Variants in ANKRD26 observed in about 807,000 individuals in gnomAD.
The protein encoded by ANKRD26 is ankyrin repeat domain-containing protein 26.
In ANKRD26, 141 loss-of-function variants were observed where a neutral mutation model predicts 208.7. The ratio of observed to expected loss-of-function variants is 0.68; its 90% CI spans 0.59 to 0.78. The LOEUF (loss-of-function observed/expected upper bound fraction) is 0.78, where lower values mean the gene tolerates loss of function less well. ANKRD26 is among the 30% of genes least tolerant of loss of function. ANKRD26 has a pLI of 0.00. For synonymous variants in ANKRD26, 636 were observed against 660.4 expected (o/e 0.96, Z 0.57); for missense variants, 1,889 against 1,938.7 (o/e 0.97, Z 0.48).
In ANKRD26 at chr10:27,081,024, G is replaced by A. The variant is rs554361403; in HGVS notation, c.740+1779C>T. 1.0e-5 allele frequency: 9 copies of A among 891,216 alleles called. No individual in the cohort carries two copies. The African/African-American group carries it at 1.6e-4, about 16-fold the overall frequency. The allele number at this position is 891,216 out of a possible 1,614,324, so 55.2% of individuals were successfully genotyped here. A position where few individuals can be genotyped will look rare whatever the true frequency, so the allele number is the denominator to read the frequency against. ...CTCCAAAGTACTTGAGGGGCTCAAA[G>A]CCACCGATAAGTTGAGGCAGAAGTA... is the stretch of plus-strand genomic sequence containing the variant. On this transcript the variant is annotated intron_variant, in intron 6 of 33. Coordinates refer to ENST00000376087, the MANE Select transcript of ANKRD26 (RefSeq NM_014915.3).
At position 26,995,040 on chromosome 10, in the gene ANKRD26, C is replaced by A. The variant is rs1410934878; in HGVS notation, c.*29+1G>T. On this transcript the variant is annotated splice_donor_variant, in intron 5 of 5. Coordinates refer to the ANKRD26 transcript ENST00000445828. LOFTEE classifies it low-confidence loss of function (3UTR_SPLICE). Reference sequence around the variant, plus strand: ...CTCTTAAATCAGACCCATCTGCATACCAGTCTATCTCAGCATTATCCAGTG... The same window carrying A: ...CTCTTAAATCAGACCCATCTGCATAACAGTCTATCTCAGCATTATCCAGTG... 2.1e-6 allele frequency: 1 copy of A among 470,974 alleles called. No homozygotes were observed. Among genetic ancestry groups the A allele is most frequent in the Non-Finnish European group, 4.4e-6 (1 of 227,018 alleles). The allele number at this position is 470,974 out of a possible 1,614,324, so 29.2% of individuals were successfully genotyped here. A position where few individuals can be genotyped will look rare whatever the true frequency, so the allele number is the denominator to read the frequency against.
Position 26,984,696 on chromosome 10 carries a change from G to A in ANKRD26, c.490-1883C>T, listed in dbSNP as rs562983764. Among the ~76,000 whole-genome samples the A allele has an allele frequency of 5.3e-5, 8 of 152,242 alleles. No homozygotes were observed. The South Asian group carries it at 6.2e-4, about 12-fold the overall frequency. On this transcript the variant is annotated intron_variant and NMD_transcript_variant, in intron 3 of 5. Transcript: ENST00000674670. ...TATCTCCCTGGAGAAAAGTTGGGTC[G>A]GTTATTTGGGTTCCTGACACATGGG...
At chr10:27,086,739 T>A in intron 4 of ANKRD26, 130 bp from the exon 5 acceptor site, 8 of 757,832 alleles carry the variant, frequency 1.1e-5, no homozygotes, top group Non-Finnish European at 1.3e-5. Flanking sequence ...CCCATACACT[T>A]CAAATATGTA....
At chr10:27,048,683 G>C in intron 17 of ANKRD26, 118 bp downstream of exon 17, 1 of 1,001,332 alleles carries the variant, frequency 1.0e-6, no homozygotes, top group Non-Finnish European at 1.5e-6. Flanking sequence ...TGCAAGGCAA[G>C]GTTGCATATC....
intron 3 of ANKRD26, among the ~76,000 whole-genome samples, chr10:26,985,231 T>C (rs952046808): frequency 6.6e-6 from 1 of 152,156 alleles, no homozygotes; most frequent in Non-Finnish European, 1.5e-5. Flanking sequence ...TTTCCTGGGT[T>C]ATCTTTGGGA....
the ANKRD26 span, among the ~76,000 whole-genome samples, chr10:26,957,467 T>C: frequency 6.6e-6 from 1 of 152,318 alleles, no homozygotes; most frequent in East Asian, 1.9e-4. Flanking sequence ...AACAAAGTTG[T>C]ACAACTACTA....
chr10:27,099,859 C>G (rs1006606385), intron 1 of ANKRD26, among the ~76,000 whole-genome samples: 5 of 15,342 alleles, frequency 3.3e-4, no homozygotes, highest in Non-Finnish European at 5.9e-4. Flanking sequence ...CACTTAAGTG[C>G]TCTCTAAGGG....
At chr10:27,018,141 A>ATTTTTT (rs11346457) in intron 29 of ANKRD26, among the ~76,000 whole-genome samples, 7,045 of 130,936 alleles carry the variant, frequency 0.054, 253 homozygotes, top group African/African-American at 0.11. Flanking sequence ...ATGCCCTATA[A>ATTTTTT]TTTTTTTTTT....
intron 3 of ANKRD26, among the ~76,000 whole-genome samples, chr10:26,983,929 A>T (rs958983173): frequency 6.6e-6 from 1 of 152,170 alleles, no homozygotes; most frequent in Non-Finnish European, 1.5e-5. Flanking sequence ...ACCCATCATG[A>T]CAGGCTGGAG....
At position 27,046,480 on chromosome 10, in the gene ANKRD26, T is replaced by C. The variant is rs112661579; in HGVS notation, c.1858A>G (p.Lys620Glu). 18 of 1,614,104 alleles carry C rather than the reference T, an allele frequency of 1.1e-5. No homozygotes were observed. The African/African-American group carries it at 1.3e-4, about 12-fold the overall frequency. ...GATTCTTTCGAGGTCCGTTTTTCTT[T>C]TTCAGTGCTCTTTACTTCCTTCATT... The part of the protein sequence containing the change: ...LQMKEVKSTE[K>E]EKRTSKESVN... Residue 620 changes from lysine (K) to glutamate (E), a missense_variant, in exon 18 of 34, where the codon AAA (lysine) becomes GAA (glutamate). Transcript: ENST00000376087.
the ANKRD26 span, among the ~76,000 whole-genome samples, chr10:26,964,954 G>T: frequency 6.6e-6 from 1 of 152,096 alleles, no homozygotes; most frequent in East Asian, 1.9e-4. Context: ...TTGCAAAAGG[G>T]CCAGGCGTGG....
intron 12 of ANKRD26, among the ~76,000 whole-genome samples, chr10:27,061,482 A>C (rs1190864873): frequency 6.6e-6 from 1 of 152,176 alleles, no homozygotes; most frequent in Admixed American, 6.5e-5. Context: ...TATCGTTATC[A>C]AAAAGCAACT....
chr10:27,069,496 A>ACAAGGTT (rs1468729107), intron 9 of ANKRD26, among the ~76,000 whole-genome samples: 1 of 152,052 alleles, frequency 6.6e-6, no homozygotes, highest in Non-Finnish European at 1.5e-5. Context: ...TTTTTCAGAG[A>ACAAGGTT]CAAGGTTTCA....
At chr10:27,085,104 G>C (rs1255406835) in intron 5 of ANKRD26, among the ~76,000 whole-genome samples, 1 of 150,700 alleles carries the variant, frequency 6.6e-6, no homozygotes, top group Non-Finnish European at 1.5e-5. Context: ...TGTTTTTTTT[G>C]TTTGTTTTTT....
At chr10:26,998,330 T>C (rs1299615211) in intron 4 of ANKRD26, among the ~76,000 whole-genome samples, 8 of 152,180 alleles carry the variant, frequency 5.3e-5, no homozygotes, top group Non-Finnish European at 5.9e-5. Flanking sequence ...CCACAACCCT[T>C]TGGAACACTG....
intron 15 of ANKRD26, among the ~76,000 whole-genome samples, chr10:27,059,632 C>T (rs11015493): frequency 0.081 from 12,322 of 152,078 alleles, 591 homozygotes; most frequent in African/African-American, 0.13. Context: ...AATTACTGTC[C>T]GGGCATGGTG....
intron 5 of ANKRD26, among the ~76,000 whole-genome samples, chr10:26,993,393 C>T (rs1443661488): frequency 6.6e-6 from 1 of 152,158 alleles, no homozygotes; most frequent in African/African-American, 2.4e-5. Flanking sequence ...GGTATCCACC[C>T]CATATCTCCT....
chr10:26,980,617 G>A (rs1017218354), exon 5 of ANKRD26, among the ~76,000 whole-genome samples: 2 of 152,208 alleles, frequency 1.3e-5, no homozygotes, highest in Non-Finnish European at 2.9e-5. Context: ...CATGAGAGAT[G>A]TTCCTACAGG....
intron 5 of ANKRD26, among the ~76,000 whole-genome samples, chr10:26,979,726 C>T (rs928980087): frequency 1.3e-5 from 2 of 152,162 alleles, no homozygotes; most frequent in African/African-American, 2.4e-5. Flanking sequence ...CCTCAGAGCA[C>T]CCCTAGTCTT....
Sources: gnomAD v4.1 joint callset for allele counts (sites outside exome capture counted in the v4.1 genomes callset) on GRCh38, gnomAD v4.1.1 for gene constraint, MANE v1.5 for transcripts, NCBI Gene and HGNC (gene_info 2026-07-23, HGNC 2026-07-21) for gene names.